The following SIK3 variants were observed in gnomAD, a reference collection of about 807,000 sequenced individuals.
The protein encoded by SIK3 is SIK family kinase 3.
Under a neutral mutation model 144.2 loss-of-function variants are expected in SIK3, and 28 were observed. That is an observed-to-expected ratio of 0.19 (90% CI 0.14 to 0.27). The LOEUF (loss-of-function observed/expected upper bound fraction) is 0.27. Among genes scored for constraint, SIK3 ranks in the 10% least tolerant of loss-of-function variants. The pLI, the probability that SIK3 is intolerant of heterozygous loss-of-function variation, is 1.00. For missense variants in SIK3, 1,319 were observed against 1,776.0 expected, an observed-to-expected ratio of 0.74 and a Z score of 4.62; for synonymous variants, 686 against 676.3, an observed-to-expected ratio of 1.01 and a Z score of -0.22.
intron 1 of SIK3, among the ~76,000 whole-genome samples, chr11:117,092,431 CT>C (rs1321798031): frequency 6.6e-6 from 1 of 152,140 alleles, no homozygotes; most frequent in Non-Finnish European, 1.5e-5. Context: ...AAAGAAAGGT[CT>C]TCCCTGACCA....
chr11:116,870,531 GT>G, intron 13 of SIK3, 130 bp from the exon 14 acceptor site: 1 of 1,190,084 alleles, frequency 8.4e-7, no homozygotes. Flanking sequence ...AGACTCCTGG[GT>G]TATACAGGAT....
chr11:116,998,165 T>A lies in SIK3; in HGVS notation c.274-41101A>T, dbSNP rs563208834. On this transcript the variant is annotated intron_variant, in intron 1 of 24. Coordinates refer to ENST00000445177, the MANE Select transcript of SIK3 (RefSeq NM_001366686.3). ...TCCACAGGTAGTGTATATGATAATT[T>A]AAAAAAAAAAAAAAGCTATTCCAAT... 5.2e-3 allele frequency among the ~76,000 whole-genome samples: 744 copies of A among 142,016 alleles called. 8 individuals carry two copies. Among genetic ancestry groups the A allele is most frequent in the Admixed American group, 0.035 (503 of 14,290 alleles). The allele number at this position is 142,016 out of a possible 152,430, so 93.2% of individuals were successfully genotyped here. A position where few individuals can be genotyped will look rare whatever the true frequency, so the allele number is the denominator to read the frequency against.
chr11:116,984,834 T>C (rs1950272192), intron 1 of SIK3, among the ~76,000 whole-genome samples: 1 of 152,212 alleles, frequency 6.6e-6, no homozygotes, highest in Admixed American at 6.5e-5. Context: ...AGCTTTTGGA[T>C]ACAAAACTTA....
intron 21 of SIK3, among the ~76,000 whole-genome samples, chr11:116,851,508 G>A (rs536258440): frequency 1.0e-3 from 154 of 152,292 alleles, no homozygotes; most frequent in Non-Finnish European, 2.1e-3. Context: ...TGGAAAGGGA[G>A]GGGAGCTAAC....
At chr11:117,046,804 T>C (rs765861508) in intron 1 of SIK3, among the ~76,000 whole-genome samples, 12 of 152,050 alleles carry the variant, frequency 7.9e-5, no homozygotes, top group Non-Finnish European at 1.8e-4. Flanking sequence ...TGCTTTAGCC[T>C]GGGAGGCAGA....
chr11:116,920,203 C>T (rs1405808065), intron 4 of SIK3, among the ~76,000 whole-genome samples: 1 of 151,138 alleles, frequency 6.6e-6, no homozygotes, highest in African/African-American at 2.4e-5. Context: ...CTACTGCTGC[C>T]CACGCTGCTC....
intron 1 of SIK3, among the ~76,000 whole-genome samples, chr11:116,958,454 G>A (rs1949226114): frequency 6.6e-6 from 1 of 152,146 alleles, no homozygotes; most frequent in Admixed American, 6.5e-5. Flanking sequence ...GGGTGTGGCT[G>A]GAGCTACAAG....
At chr11:116,951,119 C>T (rs1948914459) in intron 3 of SIK3, among the ~76,000 whole-genome samples, 3 of 152,088 alleles carry the variant, frequency 2.0e-5, no homozygotes, top group Admixed American at 2.0e-4. Context: ...TAGATCTTAC[C>T]TTATACAGAC....
At chr11:117,035,623 T>C (rs892619736) in intron 1 of SIK3, among the ~76,000 whole-genome samples, 1 of 152,220 alleles carries the variant, frequency 6.6e-6, no homozygotes. Context: ...GATGTGATCA[T>C]AGCTCACTGT....
intron 9 of SIK3, chr11:116,875,658 A>G (rs1325405873): frequency 7.3e-6 from 6 of 820,396 alleles, no homozygotes; most frequent in Admixed American, 2.9e-5. Context: ...AAAAAACAAA[A>G]GGCACAACTA....
intron 4 of SIK3, among the ~76,000 whole-genome samples, chr11:116,915,649 G>A (rs1946596183): frequency 6.6e-6 from 1 of 152,104 alleles, no homozygotes; most frequent in Non-Finnish European, 1.5e-5. Flanking sequence ...TGTATGTAAT[G>A]TAACATTTTT....
At position 116,843,571 on chromosome 11, in the gene SIK3, T is replaced by A. The variant is rs1358659367; in HGVS notation, c.*2072A>T. The A allele has an allele frequency of 6.6e-6, 1 of 152,254 alleles. No individual in the cohort carries two copies. The highest frequency in any genetic ancestry group is 6.5e-5 in the Admixed American group (1 of 15,280). 9.4% of individuals were successfully genotyped at this position (152,254 alleles called of 1,614,324 possible). Reference sequence around the variant, plus strand: ...TTACTACAATACAAAGCAATGAGTTTTTTTTAAAGTGTAGTTTGCAAGATG... The same window carrying A: ...TTACTACAATACAAAGCAATGAGTTATTTTTAAAGTGTAGTTTGCAAGATG... On this transcript the variant is annotated 3_prime_UTR_variant, in exon 25 of 25. Transcript: ENST00000445177.
chr11:117,046,956 TC>T (rs1256240117), intron 1 of SIK3, among the ~76,000 whole-genome samples: 5 of 152,150 alleles, frequency 3.3e-5, no homozygotes, highest in African/African-American at 1.2e-4. Flanking sequence ...CAATCTGATA[TC>T]CCCCATCCTA....
At position 116,846,109 on chromosome 11, in the gene SIK3, G is replaced by T. The variant is rs182358127; in HGVS notation, c.*13+274C>A. 6.6e-6 allele frequency among the ~76,000 whole-genome samples: 1 copy of T among 152,230 alleles called. No homozygotes were observed. The highest frequency in any genetic ancestry group is 2.4e-5 in the African/African-American group (1 of 41,454). On this transcript the variant is annotated intron_variant, in intron 24 of 24. Coordinates refer to ENST00000445177, the MANE Select transcript of SIK3 (RefSeq NM_001366686.3). The surrounding 1 kb of genome is among the most constrained non-coding windows in gnomAD (Gnocchi z 4.1). Reference sequence around the variant, plus strand: ...CACTTCTGTCGCTATGAAGGCTAGAGCACCTGTAACACACGGCGAGTCTTG... The same window carrying T: ...CACTTCTGTCGCTATGAAGGCTAGATCACCTGTAACACACGGCGAGTCTTG...
intron 1 of SIK3, among the ~76,000 whole-genome samples, chr11:117,082,646 C>G (rs569319025): frequency 6.6e-6 from 1 of 152,188 alleles, no homozygotes; most frequent in African/African-American, 2.4e-5. Context: ...GCAGTGACTG[C>G]TAATGGGTAC....
At chr11:116,891,587 T>C (rs1945113827) in intron 6 of SIK3, among the ~76,000 whole-genome samples, 1 of 152,244 alleles carries the variant, frequency 6.6e-6, no homozygotes, top group African/African-American at 2.4e-5. Flanking sequence ...GAGTAAACTT[T>C]ACCTTAGAGG....
At chr11:117,077,910 T>C (rs1014588918) in intron 1 of SIK3, among the ~76,000 whole-genome samples, 8 of 152,244 alleles carry the variant, frequency 5.3e-5, no homozygotes, top group Non-Finnish European at 1.2e-4. Flanking sequence ...GTGTGTATTT[T>C]TCTAGCTTAA....
chr11:116,996,493 G>T (rs7121347), intron 1 of SIK3, among the ~76,000 whole-genome samples: 130,220 of 152,080 alleles, frequency 0.86, 56,423 homozygotes, highest in African/African-American at 0.9. Context: ...TACAGTGACA[G>T]GAGAAGGGGG....
At position 116,875,853 on chromosome 11, in the gene SIK3, A is replaced by G; in HGVS notation, c.1239+13T>C. ...TACTTGTCCTGAACTAGGTCACTGGAGTTATTGCCCACCTGGATATTGACT... is the reference window on the plus strand; with the variant it reads ...TACTTGTCCTGAACTAGGTCACTGGGGTTATTGCCCACCTGGATATTGACT... On this transcript the variant is annotated intron_variant, in intron 9 of 24. Coordinates refer to ENST00000445177, the MANE Select transcript of SIK3 (RefSeq NM_001366686.3). The G allele has an allele frequency of 1.9e-6, 3 of 1,596,236 alleles. No individual in the cohort carries two copies. The highest frequency in any genetic ancestry group is 4.5e-5 in the East Asian group (2 of 44,784).
Sources: allele counts gnomAD v4.1 joint callset (sites outside exome capture counted in the v4.1 genomes callset), GRCh38; gene constraint gnomAD v4.1.1; non-coding constraint Gnocchi (gnomAD v3.1); transcripts MANE v1.5; gene names NCBI Gene and HGNC (gene_info 2026-07-23, HGNC 2026-07-21).